Variants in DPY19L1 observed in about 807,000 individuals in gnomAD.
DPY19L1 encodes the protein dpy-19 like C-mannosyltransferase 1.
In DPY19L1, 35 loss-of-function variants were observed where a neutral mutation model predicts 96.9. The observed-to-expected ratio is 0.36, with a 90% confidence interval of 0.28 to 0.48. DPY19L1 has a LOEUF of 0.48. Among genes scored for constraint, DPY19L1 ranks in the 20% least tolerant of loss-of-function variants. DPY19L1 has a pLI of 0.99. For missense variants in DPY19L1, 521 were observed against 777.9 expected (o/e 0.67, Z 3.93); for synonymous variants, 205 against 252.6 (o/e 0.81, Z 1.79).
chr7:35,012,949 T>TGA (rs1785750275), intron 4 of DPY19L1, among the ~76,000 whole-genome samples: 1 of 138,894 alleles, frequency 7.2e-6, no homozygotes, highest in Admixed American at 7.2e-5. Context: ...TAGAGAACAC[T>TGA]GATATATATA....
At chr7:34,990,271 A>G (rs1207523711) in intron 6 of DPY19L1, among the ~76,000 whole-genome samples, 1 of 152,158 alleles carries the variant, frequency 6.6e-6, no homozygotes, top group African/African-American at 2.4e-5. Flanking sequence ...TTAGTACCTC[A>G]TATTTATTTA....
At chr7:34,998,680 T>C (rs1323420239) in intron 6 of DPY19L1, among the ~76,000 whole-genome samples, 1 of 152,150 alleles carries the variant, frequency 6.6e-6, no homozygotes, top group African/African-American at 2.4e-5. Flanking sequence ...ACAAAGCAGT[T>C]TACACCCTCA....
At position 34,931,654 on chromosome 7, in the gene DPY19L1, G is replaced by A. The variant is rs759355874; in HGVS notation, c.2166C>T (p.Leu722=). 1.2e-5 allele frequency: 19 copies of A among 1,600,214 alleles called. No homozygotes were observed. The highest frequency in any genetic ancestry group is 2.3e-5 in the South Asian group (2 of 88,152). ...AGTGAGGTTTGGAATCCTTCACCAAGAGGTTACATAAGGGAGTTTTCCCAG... is the reference window on the plus strand; with the variant it reads ...AGTGAGGTTTGGAATCCTTCACCAAAAGGTTACATAAGGGAGTTTTCCCAG... ...ANAGKTPLCN[L]LVKDSKPHFT... The change falls in exon 22 of 22, where the codon CTC becomes CTT. Residue 722 remains leucine, a synonymous_variant. Coordinates refer to ENST00000638088, the MANE Select transcript of DPY19L1 (RefSeq NM_001366673.1).
intron 1 of DPY19L1, among the ~76,000 whole-genome samples, chr7:35,027,189 A>G (rs189690098): frequency 6.6e-5 from 10 of 151,970 alleles, no homozygotes; most frequent in Admixed American, 5.9e-4. Context: ...GGGCAACAAG[A>G]GCAAAACTCC....
intron 1 of DPY19L1, among the ~76,000 whole-genome samples, chr7:35,030,601 C>A (rs1278690086): frequency 3.9e-5 from 6 of 152,110 alleles, no homozygotes; most frequent in Admixed American, 3.9e-4. Flanking sequence ...CTGAAAAACA[C>A]ACCTGACAAT....
intron 7 of DPY19L1, among the ~76,000 whole-genome samples, chr7:34,976,321 A>C (rs1252282657): frequency 6.6e-6 from 1 of 152,186 alleles, no homozygotes; most frequent in Admixed American, 6.6e-5. Flanking sequence ...TGTGATGGAA[A>C]TGGCAAGATA....
rs180999090 is a variant in DPY19L1 at position 34,980,423 on chromosome 7, A to G, written c.823-6818T>C. On this transcript the variant is annotated intron_variant, in intron 7 of 21. Coordinates refer to ENST00000638088, the MANE Select transcript of DPY19L1 (RefSeq NM_001366673.1). ...TCAACATAAGAGACTGATAAATGGA[A>G]CTTCATGAAAATTAAGAACTTCATC... Among the ~76,000 whole-genome samples the G allele has an allele frequency of 2.7e-3, 405 of 152,244 alleles. 5 individuals are homozygous for G. Among genetic ancestry groups the G allele is most frequent in the Non-Finnish European group, 1.7e-3 (113 of 67,998 alleles).
intron 6 of DPY19L1, among the ~76,000 whole-genome samples, chr7:35,003,248 A>G (rs553294743): frequency 3.3e-5 from 5 of 152,324 alleles, no homozygotes; most frequent in Admixed American, 2.6e-4. Flanking sequence ...AAACCAAGAA[A>G]GAGGAACAAA....
chr7:34,962,384 T>C (rs1562807848), intron 10 of DPY19L1, among the ~76,000 whole-genome samples: 2 of 152,150 alleles, frequency 1.3e-5, no homozygotes, highest in Non-Finnish European at 2.9e-5. Flanking sequence ...CACATGACAC[T>C]ATACAAAAGG....
chr7:34,944,612 G>C (rs1412974606), intron 16 of DPY19L1, among the ~76,000 whole-genome samples: 1 of 151,844 alleles, frequency 6.6e-6, no homozygotes, highest in African/African-American at 2.4e-5. Flanking sequence ...ACACACACTG[G>C]CAATTTTAAA....
At chr7:34,990,823 C>A (rs1319976188) in intron 6 of DPY19L1, among the ~76,000 whole-genome samples, 1 of 152,250 alleles carries the variant, frequency 6.6e-6, no homozygotes, top group East Asian at 1.9e-4. Flanking sequence ...ATCCTTCCTT[C>A]TTTTTCTCTA....
chr7:35,004,403 CAT>C (rs754351696), intron 6 of DPY19L1, among the ~76,000 whole-genome samples: 19 of 152,304 alleles, frequency 1.2e-4, no homozygotes, highest in Non-Finnish European at 2.1e-4. Flanking sequence ...AGGGTAAACA[CAT>C]GAGTGGCACA....
At chr7:34,987,214 A>G (rs1401504724) in intron 7 of DPY19L1, among the ~76,000 whole-genome samples, 1 of 152,090 alleles carries the variant, frequency 6.6e-6, no homozygotes, top group Non-Finnish European at 1.5e-5. Context: ...CATCTTTGCA[A>G]AAATTCTCAA....
chr7:35,004,978 T>C (rs1476135713), intron 6 of DPY19L1, among the ~76,000 whole-genome samples: 1 of 152,170 alleles, frequency 6.6e-6, no homozygotes, highest in Non-Finnish European at 1.5e-5. Context: ...ATGGCACTTG[T>C]TCTAGAATGG....
intron 6 of DPY19L1, among the ~76,000 whole-genome samples, chr7:34,997,484 C>T (rs567366079): frequency 1.3e-5 from 2 of 149,266 alleles, no homozygotes; most frequent in Non-Finnish European, 3.0e-5. Context: ...GTGCCAGGCG[C>T]CTGTAGTCCC....
chr7:35,005,126 T>G (rs1331529365), intron 6 of DPY19L1, among the ~76,000 whole-genome samples: 2 of 152,132 alleles, frequency 1.3e-5, no homozygotes, highest in Non-Finnish European at 2.9e-5. Flanking sequence ...TCTACCATAT[T>G]TCTCTTATTT....
rs755619806 is a variant in DPY19L1, at chr7:35,023,833, C to CTTTTT, written c.299-5242_299-5238dup. 9.7e-3 allele frequency among the ~76,000 whole-genome samples: 1,082 copies of CTTTTT among 111,636 alleles called. 12 individuals carry two copies. The highest frequency in any genetic ancestry group is 0.013 in the African/African-American group (381 of 29,576). The allele number at this position is 111,636 out of a possible 152,430, so 73.2% of individuals were successfully genotyped here. On this transcript the variant is annotated intron_variant, in intron 1 of 21. Transcript: ENST00000638088. ...AAATATATTCTTTTTCTTTTCTTTT[C>CTTTTT]TTTTTTTTTTTTTTTTTTTTGAGAC...
chr7:34,956,243 C>T (rs1247520347), intron 11 of DPY19L1, among the ~76,000 whole-genome samples: 1 of 152,134 alleles, frequency 6.6e-6, no homozygotes, highest in East Asian at 1.9e-4. Context: ...GATTCATATA[C>T]TTTATCCTGG....
At chr7:34,964,692 A>G (rs1784574071) in intron 10 of DPY19L1, among the ~76,000 whole-genome samples, 1 of 152,220 alleles carries the variant, frequency 6.6e-6, no homozygotes, top group Non-Finnish European at 1.5e-5. Flanking sequence ...ATTTCTTTTT[A>G]AAAGTGCTCA....
Sources: gnomAD v4.1 joint callset for allele counts (sites outside exome capture counted in the v4.1 genomes callset) on GRCh38, gnomAD v4.1.1 for gene constraint, MANE v1.5 for transcripts, NCBI Gene and HGNC (gene_info 2026-07-23, HGNC 2026-07-21) for gene names.